Variants in AHCYL2 observed in about 807,000 individuals in gnomAD.
AHCYL2 encodes S-adenosylhomocysteine hydrolase-like protein 2.
In AHCYL2, 28 loss-of-function variants were observed where a neutral mutation model predicts 81.4. That is an observed-to-expected ratio of 0.34 (90% CI 0.25 to 0.47). AHCYL2 has a LOEUF of 0.47. Ranked by LOEUF, AHCYL2 falls within the 20% of genes least tolerant of loss-of-function variation. The pLI, the probability that AHCYL2 is intolerant of heterozygous loss-of-function variation, is 1.00. For synonymous variants in AHCYL2, 272 were observed against 290.2 expected, an observed-to-expected ratio of 0.94 and a Z score of 0.64; for missense variants, 551 against 785.1, an observed-to-expected ratio of 0.70 and a Z score of 3.56.
chr7:129,249,713 C>T (rs1795187315), intron 1 of AHCYL2, among the ~76,000 whole-genome samples: 1 of 152,352 alleles, frequency 6.6e-6, no homozygotes, highest in East Asian at 1.9e-4. Flanking sequence ...GCGTGAGCCA[C>T]CGTGCCTGGC....
intron 1 of AHCYL2, among the ~76,000 whole-genome samples, chr7:129,362,488 G>C (rs530735338): frequency 8.8e-4 from 133 of 151,896 alleles, no homozygotes; most frequent in Non-Finnish European, 1.2e-3. Context: ...AGCAATTCCA[G>C]CCAGTCTCAT....
rs73721722 is a variant in AHCYL2 at position 129,377,502 on chromosome 7, C to T, written c.364-2136C>T. On this transcript the variant is annotated intron_variant, in intron 1 of 16. Transcript: ENST00000325006. The stretch of plus-strand genomic sequence containing the variant: ...TTTCAATTTGGCATTGGTCCCTTGT[C>T]GCAATACTCAAGTGACTCATTAGTT... 7.5e-4 allele frequency: 341 copies of T among 455,814 alleles called. 1 individual carries two copies. The highest frequency in any genetic ancestry group is 6.2e-3 in the African/African-American group (313 of 50,150). The allele number at this position is 455,814 out of a possible 1,614,324, so 28.2% of individuals were successfully genotyped here.
chr7:129,284,285 G>A (rs138118706), intron 1 of AHCYL2, among the ~76,000 whole-genome samples: 1 of 152,240 alleles, frequency 6.6e-6, no homozygotes, highest in South Asian at 2.1e-4. Context: ...AATTTCACCT[G>A]TAGGTGGGAT....
At chr7:129,291,571 G>A (rs1796863553) in intron 1 of AHCYL2, among the ~76,000 whole-genome samples, 1 of 132,702 alleles carries the variant, frequency 7.5e-6, no homozygotes, top group Admixed American at 7.7e-5. Flanking sequence ...TTATAATCAT[G>A]TGAATAATAA....
At chr7:129,347,139 A>G (rs1297699364) in intron 1 of AHCYL2, among the ~76,000 whole-genome samples, 1 of 152,176 alleles carries the variant, frequency 6.6e-6, no homozygotes, top group Non-Finnish European at 1.5e-5. Flanking sequence ...GGAGAAGGGA[A>G]GGATAAATAG....
intron 8 of AHCYL2, 124 bp downstream of exon 8, chr7:129,405,337 G>T: frequency 7.6e-6 from 4 of 524,008 alleles, no homozygotes; most frequent in Non-Finnish European, 6.7e-6. Context: ...TAAAGCCAGA[G>T]CTTTGTCACC....
chr7:129,416,968 AC>A (rs1389039941), intron 12 of AHCYL2, among the ~76,000 whole-genome samples: 11 of 152,164 alleles, frequency 7.2e-5, no homozygotes, highest in African/African-American at 9.6e-5. Context: ...AAATAAAAAA[AC>A]AAAACAAAAT....
rs540689018 is a variant in AHCYL2, at chr7:129,300,506, T to C, written c.363+75067T>C. 3.3e-5 allele frequency among the ~76,000 whole-genome samples: 5 copies of C among 152,322 alleles called. No homozygotes were observed. The South Asian group carries it at 1.0e-3, about 32-fold the overall frequency. ...TTTTTTATGGCTGAATAGTACTCCA[T>C]TGCTTATATGTACCACATTTAAAAA... On this transcript the variant is annotated intron_variant, in intron 1 of 16. Coordinates refer to ENST00000325006, the MANE Select transcript of AHCYL2 (RefSeq NM_015328.4).
At chr7:129,337,757 C>T (rs13226649) in intron 1 of AHCYL2, among the ~76,000 whole-genome samples, 53,066 of 151,794 alleles carry the variant, frequency 0.35, 9,945 homozygotes, top group African/African-American at 0.5. Context: ...TCTTTCTTTT[C>T]TTTGAGATGG....
chr7:129,341,682 G>A (rs1291111123), intron 1 of AHCYL2, among the ~76,000 whole-genome samples: 1 of 152,124 alleles, frequency 6.6e-6, no homozygotes, highest in Non-Finnish European at 1.5e-5. Context: ...ATGGAATGGA[G>A]GACTGAGTAT....
chr7:129,271,739 G>A (rs574602362), intron 1 of AHCYL2, among the ~76,000 whole-genome samples: 2 of 152,210 alleles, frequency 1.3e-5, no homozygotes, highest in Admixed American at 6.5e-5. Context: ...AGCAGATAAG[G>A]AAAATGTAAT....
At chr7:129,306,784 TG>T (rs1485791081) in intron 1 of AHCYL2, among the ~76,000 whole-genome samples, 2 of 152,192 alleles carry the variant, frequency 1.3e-5, no homozygotes, top group African/African-American at 4.8e-5. Flanking sequence ...GATCTGTTTT[TG>T]GTCACTGCAG....
intron 1 of AHCYL2, among the ~76,000 whole-genome samples, chr7:129,274,470 G>A (rs1314883361): frequency 6.6e-6 from 1 of 152,108 alleles, no homozygotes; most frequent in Non-Finnish European, 1.5e-5. Flanking sequence ...GGGGCCAGAG[G>A]GTGGTCTGTG....
chr7:129,366,279 T>C (rs1794111964), intron 1 of AHCYL2, among the ~76,000 whole-genome samples: 1 of 152,216 alleles, frequency 6.6e-6, no homozygotes, highest in Admixed American at 6.5e-5. Context: ...GTCCCTGTTT[T>C]CACCTGCCTT....
At chr7:129,292,841 T>G (rs1209976130) in intron 1 of AHCYL2, among the ~76,000 whole-genome samples, 2 of 152,148 alleles carry the variant, frequency 1.3e-5, no homozygotes, top group Admixed American at 1.3e-4. Context: ...AGAAAGGAAC[T>G]TAAATATTAG....
intron 1 of AHCYL2, among the ~76,000 whole-genome samples, chr7:129,300,412 T>G (rs948880756): frequency 1.3e-5 from 2 of 152,242 alleles, no homozygotes; most frequent in African/African-American, 4.8e-5. Flanking sequence ...TTTCTGTGCC[T>G]GGCTTATTTC....
rs192411857 is a variant in AHCYL2, at chr7:129,274,244, G to T, written c.363+48805G>T. Among the ~76,000 whole-genome samples, 349 of 152,266 alleles carry T rather than the reference G, an allele frequency of 2.3e-3. 1 individual carries two copies. Among genetic ancestry groups the T allele is most frequent in the Admixed American group, 4.4e-3 (67 of 15,294 alleles). The stretch of plus-strand genomic sequence containing the variant: ...TCACTATTGTATGTTTGTATGTTGG[G>T]TGTGTGGGAGCAGATAATTTGTTTC... On this transcript the variant is annotated intron_variant, in intron 1 of 16. Coordinates refer to ENST00000325006, the MANE Select transcript of AHCYL2 (RefSeq NM_015328.4).
Position 129,233,371 on chromosome 7 carries a change from C to T in AHCYL2, c.363+7932C>T, listed in dbSNP as rs116984304. Among the ~76,000 whole-genome samples, 1,004 of 152,028 alleles carry T rather than the reference C, an allele frequency of 6.6e-3. 5 individuals are homozygous for T. The highest frequency in any genetic ancestry group is 9.5e-3 in the Non-Finnish European group (649 of 67,974). On this transcript the variant is annotated intron_variant, in intron 1 of 16. Transcript: ENST00000325006. ...CTATTTTTTTATTTTTTTGTAGAGA[C>T]GGTATCTTGCCATGTTGCAGGTCTC...
At chr7:129,270,973 TCCTACG>T (rs1251748610) in intron 1 of AHCYL2, among the ~76,000 whole-genome samples, 1 of 152,084 alleles carries the variant, frequency 6.6e-6, no homozygotes, top group African/African-American at 2.4e-5. Flanking sequence ...TCTGCAACAG[TCCTACG>T]GCATCAGGCT....
Sources: allele counts gnomAD v4.1 joint callset (sites outside exome capture counted in the v4.1 genomes callset), GRCh38; gene constraint gnomAD v4.1.1; transcripts MANE v1.5; gene names NCBI Gene and HGNC (gene_info 2026-07-23, HGNC 2026-07-21).